USP54: variants seen among roughly 807,000 people sequenced by gnomAD.
USP54 encodes the protein ubiquitin carboxyl-terminal hydrolase 54.
Under a neutral mutation model 170.5 loss-of-function variants are expected in USP54, and 87 were observed. The ratio of observed to expected loss-of-function variants is 0.51; its 90% CI spans 0.43 to 0.61. The LOEUF is 0.61. Among genes scored for constraint, USP54 ranks in the 20% least tolerant of loss-of-function variants. The pLI, the probability that USP54 is intolerant of heterozygous loss-of-function variation, is 0.00. For synonymous variants in USP54, 655 were observed against 742.8 expected, an observed-to-expected ratio of 0.88 and a Z score of 1.92; for missense variants, 1,786 against 2,047.8, an observed-to-expected ratio of 0.87 and a Z score of 2.47.
chr10:73,564,059 T>C (rs971256072), intron 4 of USP54, among the ~76,000 whole-genome samples: 2 of 151,712 alleles, frequency 1.3e-5, no homozygotes, highest in African/African-American at 4.8e-5. Flanking sequence ...TGGAGTATAG[T>C]GGCACAAACA....
intron 1 of USP54, among the ~76,000 whole-genome samples, chr10:73,624,177 TATATA>T (rs2081304676): frequency 2.7e-5 from 3 of 111,116 alleles, no homozygotes; most frequent in Non-Finnish European, 5.9e-5. Flanking sequence ...TATATATATA[TATATA>T]TATATATATA....
chr10:73,593,059 T>C (rs2078411825), upstream of USP54, among the ~76,000 whole-genome samples: 1 of 152,162 alleles, frequency 6.6e-6, no homozygotes, highest in Non-Finnish European at 1.5e-5. Flanking sequence ...TCAAACTGCC[T>C]GTAGAAAAGG....
intron 1 of USP54, among the ~76,000 whole-genome samples, chr10:73,624,184 A>T (rs1325318823): frequency 6.8e-4 from 75 of 109,660 alleles, no homozygotes; most frequent in East Asian, 3.6e-3. Flanking sequence ...ATATATATAT[A>T]TATATATATA....
chr10:73,503,879 C>G (rs1006992205), intron 22 of USP54, among the ~76,000 whole-genome samples: 1 of 152,026 alleles, frequency 6.6e-6, no homozygotes. Context: ...ACTACAAGCA[C>G]CCCCCACCAT....
chr10:73,608,680 G>A (rs1158454063), intron 1 of USP54, among the ~76,000 whole-genome samples: 1 of 152,166 alleles, frequency 6.6e-6, no homozygotes, highest in East Asian at 1.9e-4. Flanking sequence ...CAGATCATTT[G>A]AGCCCAGGAG....
At chr10:73,536,577 C>G (rs760620659) in intron 10 of USP54, 140 bp from the exon 11 acceptor site, 7 of 969,662 alleles carry the variant, frequency 7.2e-6, no homozygotes, top group Non-Finnish European at 8.4e-6. Flanking sequence ...CAAAAAAGAT[C>G]TCAGACCTAA....
At chr10:73,594,718 G>A (rs1344055271), upstream of USP54, among the ~76,000 whole-genome samples, 1 of 151,958 alleles carries the variant, frequency 6.6e-6, no homozygotes, top group Non-Finnish European at 1.5e-5. Context: ...TGGGGAGAGG[G>A]GAAGCTTAAT....
At chr10:73,607,337 G>A (rs61070841) in intron 1 of USP54, among the ~76,000 whole-genome samples, 9,986 of 127,142 alleles carry the variant, frequency 0.079, 742 homozygotes, top group East Asian at 0.21. Flanking sequence ...AAAAAAAAAA[G>A]AAAAAAAAAA....
chr10:73,606,162 A>G (rs1259243626), intron 1 of USP54, among the ~76,000 whole-genome samples: 1 of 123,646 alleles, frequency 8.1e-6, no homozygotes, highest in Non-Finnish European at 1.6e-5. Context: ...TGGGCGACAG[A>G]GTGAGGCTGT....
At chr10:73,603,949 C>T (rs906478344) in intron 1 of USP54, among the ~76,000 whole-genome samples, 1 of 151,482 alleles carries the variant, frequency 6.6e-6, no homozygotes, top group Non-Finnish European at 1.5e-5. Flanking sequence ...ATTAGGATGG[C>T]TACTATTAAA....
chr10:73,509,438 C>CTAAA (rs1354215822), intron 20 of USP54, among the ~76,000 whole-genome samples: 2 of 140,738 alleles, frequency 1.4e-5, no homozygotes, highest in African/African-American at 2.7e-5. Flanking sequence ...CCTGTCTCTA[C>CTAAA]CAAAAAAAAA....
intron 3 of USP54, among the ~76,000 whole-genome samples, chr10:73,574,486 C>T (rs1359719086): frequency 5.3e-5 from 8 of 151,986 alleles, no homozygotes; most frequent in Non-Finnish European, 1.2e-4. Flanking sequence ...ACCTTACTCC[C>T]GAAAGGAGAA....
At chr10:73,521,143 T>G (rs2061824760) in intron 17 of USP54, 116 bp from the exon 18 acceptor site, 1 of 1,372,022 alleles carries the variant, frequency 7.3e-7, no homozygotes, top group African/African-American at 1.4e-5. Context: ...TCTACCCTTA[T>G]TCCAACTGTC....
intron 1 of USP54, among the ~76,000 whole-genome samples, chr10:73,600,637 G>A (rs1395472937): frequency 6.6e-6 from 1 of 152,204 alleles, no homozygotes; most frequent in Non-Finnish European, 1.5e-5. Context: ...TCAGGGGCCA[G>A]GCGCAGGGGC....
At chr10:73,518,622 T>G (rs930047847) in intron 19 of USP54, 1 of 152,000 alleles carries the variant, frequency 6.6e-6, no homozygotes, top group African/African-American at 2.4e-5. Context: ...TATAACATTA[T>G]GGAGAATATG....
upstream of USP54, chr10:73,625,705 C>G (rs568545180): frequency 4.6e-5 from 7 of 153,410 alleles, no homozygotes; most frequent in Admixed American, 1.3e-4. Flanking sequence ...CCCCTGAACC[C>G]CATTACACCC....
intron 4 of USP54, 95 bp from the exon 5 acceptor site, chr10:73,545,767 G>A: frequency 2.1e-6 from 3 of 1,432,766 alleles, no homozygotes; most frequent in Non-Finnish European, 9.5e-7. Context: ...CATGATGATA[G>A]CTATGAAACC....
chr10:73,505,562 A>G (rs900352025), intron 20 of USP54, 136 bp from the exon 21 acceptor site: 2 of 694,112 alleles, frequency 2.9e-6, no homozygotes, highest in South Asian at 2.0e-5. Flanking sequence ...ACGGAGGAAC[A>G]TGCTCCTGGA....
At chr10:73,616,614 C>A (rs757145638) in intron 1 of USP54, among the ~76,000 whole-genome samples, 5 of 150,038 alleles carry the variant, frequency 3.3e-5, no homozygotes, top group Admixed American at 6.6e-5. Flanking sequence ...AACACGCCTG[C>A]ACATCCTGCA....
Sources: allele counts gnomAD v4.1 joint callset (sites outside exome capture counted in the v4.1 genomes callset), GRCh38; gene constraint gnomAD v4.1.1; transcripts MANE v1.5; gene names NCBI Gene and HGNC (gene_info 2026-07-23, HGNC 2026-07-21).